The following CCDC33 variants were observed in gnomAD, a reference collection of about 807,000 sequenced individuals.
The protein encoded by CCDC33 is coiled-coil domain containing 33.
In CCDC33, 94 loss-of-function variants were observed where a neutral mutation model predicts 91.9. The observed-to-expected ratio is 1.02, with a 90% CI of 0.87 to 1.21. The LOEUF (loss-of-function observed/expected upper bound fraction) is 1.21, where lower values mean the gene tolerates loss of function less well. Among genes scored for constraint, CCDC33 ranks in the 50% most tolerant of loss-of-function variants. The pLI is 0.00. For synonymous variants in CCDC33, 396 were observed against 374.5 expected (o/e 1.06, Z -0.66); for missense variants, 940 against 935.5 (o/e 1.00, Z -0.06).
chr15:74,220,672 A>T (rs2074564099), intron 2 of CCDC33, among the ~76,000 whole-genome samples: 1 of 152,170 alleles, frequency 6.6e-6, no homozygotes, highest in African/African-American at 2.4e-5. Flanking sequence ...TAAAGCCATC[A>T]TCTCCCCACC....
chr15:74,256,649 A>T (rs949260219), intron 2 of CCDC33, among the ~76,000 whole-genome samples: 7 of 152,092 alleles, frequency 4.6e-5, no homozygotes, highest in Non-Finnish European at 7.4e-5. Context: ...ACGGCATGAC[A>T]CTCCAAAGGC....
At chr15:74,262,603 T>G in intron 3 of CCDC33, 30 bp downstream of exon 3, 3 of 1,600,542 alleles carry the variant, frequency 1.9e-6, no homozygotes, top group Non-Finnish European at 2.6e-6. Flanking sequence ...GGCCGGCATG[T>G]GCAGGCAGGG....
intron 2 of CCDC33, among the ~76,000 whole-genome samples, chr15:74,254,253 G>A (rs1006518337): frequency 1.3e-5 from 2 of 151,964 alleles, no homozygotes; most frequent in East Asian, 1.9e-4. Flanking sequence ...GGCTGGTCTC[G>A]AACTCCTGAC....
At chr15:74,219,918 A>G (rs1012751467) in intron 2 of CCDC33, among the ~76,000 whole-genome samples, 4 of 152,116 alleles carry the variant, frequency 2.6e-5, no homozygotes, top group African/African-American at 9.7e-5. Flanking sequence ...GAAGTTGACA[A>G]CCAAAGGCTC....
rs148179362 is a variant in CCDC33, at chr15:74,272,235, T to C, written c.638+441T>C. 5.8e-3 allele frequency among the ~76,000 whole-genome samples: 877 copies of C among 150,146 alleles called. 8 individuals carry two copies. Among genetic ancestry groups the C allele is most frequent in the African/African-American group, 0.021 (849 of 41,150 alleles). ...CAGGGCCACAGGCTCCAGCCAGTGGTTGGCCCCAAAGGCCATCTTGGAACT... is the reference window on the plus strand; with the variant it reads ...CAGGGCCACAGGCTCCAGCCAGTGGCTGGCCCCAAAGGCCATCTTGGAACT... On this transcript the variant is annotated intron_variant, in intron 6 of 18. Transcript: ENST00000398814.
intron 10 of CCDC33, among the ~76,000 whole-genome samples, chr15:74,289,609 G>C (rs1487529452): frequency 6.6e-6 from 1 of 152,166 alleles, no homozygotes; most frequent in Non-Finnish European, 1.5e-5. Context: ...AGCTACTTGG[G>C]GGCGTTGAGG....
At chr15:74,309,002 C>A (rs1175286692) in intron 11 of CCDC33, among the ~76,000 whole-genome samples, 1 of 152,096 alleles carries the variant, frequency 6.6e-6, no homozygotes, top group Non-Finnish European at 1.5e-5. Context: ...CTGTGGAGGG[C>A]CAGTGGGCTC....
chr15:74,317,887 GTTTTTTT>G (rs71137385), intron 11 of CCDC33, among the ~76,000 whole-genome samples: 60,405 of 110,602 alleles, frequency 0.55, 15,087 homozygotes, highest in Middle Eastern at 0.63. Context: ...GTTTGGGTTT[GTTTTTTT>G]TTTTTTTTTT....
intron 1 of CCDC33, among the ~76,000 whole-genome samples, chr15:74,239,121 G>A (rs2075268765): frequency 6.6e-6 from 1 of 152,200 alleles, no homozygotes; most frequent in African/African-American, 2.4e-5. Flanking sequence ...CGGGCAGCCA[G>A]GCACCCTGCC....
chr15:74,310,304 C>T (rs893271472), intron 11 of CCDC33, among the ~76,000 whole-genome samples: 2 of 152,002 alleles, frequency 1.3e-5, no homozygotes, highest in African/African-American at 2.4e-5. Context: ...TTTGGAAGGC[C>T]GAGGCGGGCA....
chr15:74,261,788 T>G (rs1002059997), intron 2 of CCDC33, among the ~76,000 whole-genome samples: 1 of 152,072 alleles, frequency 6.6e-6, no homozygotes, highest in African/African-American at 2.4e-5. Context: ...ACAATCTGAG[T>G]GCTTGAGGGC....
chr15:74,332,653 A>G, intron 15 of CCDC33, 26 bp from the exon 16 acceptor site: 1 of 1,610,550 alleles, frequency 6.2e-7, no homozygotes, highest in South Asian at 1.1e-5. Context: ...AGCCCATCTC[A>G]CCAACATCTG....
At chr15:74,229,570 A>G (rs1319634656) in intron 2 of CCDC33, among the ~76,000 whole-genome samples, 1 of 152,266 alleles carries the variant, frequency 6.6e-6, no homozygotes, top group East Asian at 1.9e-4. Context: ...GGACTGAGTT[A>G]ACGTATGTAA....
chr15:74,308,585 T>C lies in CCDC33; in HGVS notation c.1290+12637T>C, dbSNP rs951102613. 9.2e-5 allele frequency among the ~76,000 whole-genome samples: 14 copies of C among 152,150 alleles called. No homozygotes were observed. In the South Asian group the frequency reaches 2.9e-3, roughly 32 times the overall value. On this transcript the variant is annotated intron_variant, in intron 11 of 18. Transcript: ENST00000398814. ...TGGCTTGAGCATGTGGGCTGCGCCT[T>C]TAAATCTTCAAGGAGGGGGGACAGC...
chr15:74,208,607 G>T (rs1343819709), intron 1 of CCDC33, among the ~76,000 whole-genome samples: 1 of 152,094 alleles, frequency 6.6e-6, no homozygotes, highest in Non-Finnish European at 1.5e-5. Context: ...TAGCCCCCCA[G>T]TGTCCCCTGA....
intron 11 of CCDC33, among the ~76,000 whole-genome samples, chr15:74,325,145 C>G: frequency 6.6e-6 from 1 of 151,958 alleles, no homozygotes; most frequent in East Asian, 1.9e-4. Context: ...TGCTCTGGGC[C>G]TCCATTCATT....
intron 11 of CCDC33, among the ~76,000 whole-genome samples, chr15:74,310,466 G>T (rs936647983): frequency 6.6e-6 from 1 of 150,450 alleles, no homozygotes; most frequent in Non-Finnish European, 1.5e-5. Flanking sequence ...GAACCCAGGA[G>T]ACAGAGGTTG....
chr15:74,209,525 G>A, exon 2 of CCDC33: 9 of 1,272,576 alleles, frequency 7.1e-6, no homozygotes, highest in Non-Finnish European at 9.8e-6. Flanking sequence ...CTTCAGGGCT[G>A]GAATTCCAGG....
chr15:74,268,550 GC>G, intron 5 of CCDC33, 92 bp downstream of exon 5: 5 of 942,450 alleles, frequency 5.3e-6, no homozygotes, highest in South Asian at 1.4e-5. Context: ...GCCCCCTCTG[GC>G]TGACCTGAGG....
Sources: allele counts gnomAD v4.1 joint callset (sites outside exome capture counted in the v4.1 genomes callset), GRCh38; gene constraint gnomAD v4.1.1; transcripts MANE v1.5; gene names NCBI Gene and HGNC (gene_info 2026-07-23, HGNC 2026-07-21).